STX1A: variants seen among roughly 807,000 people sequenced by gnomAD.
The protein encoded by STX1A is syntaxin 1A, also known as syntaxin-1A.
In STX1A, 4 loss-of-function variants were observed where a neutral mutation model predicts 37.8. The ratio of observed to expected loss-of-function variants is 0.11; its 90% confidence interval spans 0.05 to 0.24. STX1A has a LOEUF of 0.24. STX1A is among the 10% of genes least tolerant of loss of function. The pLI is 1.00. For missense variants in STX1A, 251 were observed against 399.9 expected, an observed-to-expected ratio of 0.63 and a Z score of 3.18; for synonymous variants, 135 against 147.4, an observed-to-expected ratio of 0.92 and a Z score of 0.61.
chr7:73,703,595 C>A, intron 7 of STX1A, 160 bp downstream of exon 7: 1 of 876,214 alleles, frequency 1.1e-6, no homozygotes, highest in East Asian at 2.5e-5. Flanking sequence ...ATTTATGTGA[C>A]CTCAGCCTGG....
Position 73,708,467 on chromosome 7 carries a change from G to C in STX1A, c.208+122C>G, listed in dbSNP as rs746159330. On this transcript the variant is annotated intron_variant, in intron 3 of 9. Transcript: ENST00000222812. ...CGTGAAACCCTCCCGACCCTGGCCC[G>C]CCCAGACACTCCTAAGCCCACCAGC... 7.0e-4 allele frequency: 626 copies of C among 891,194 alleles called. 1 individual carries two copies. Among genetic ancestry groups the C allele is most frequent in the Non-Finnish European group, 1.0e-3 (598 of 579,956 alleles). 55.2% of individuals were successfully genotyped at this position (891,194 alleles called of 1,614,324 possible).
chr7:73,703,040 GCC>G, intron 7 of STX1A, 58 bp from the exon 8 acceptor site: 2 of 1,252,824 alleles, frequency 1.6e-6, no homozygotes, highest in Non-Finnish European at 2.2e-6. Flanking sequence ...AGGGCAGAGG[GCC>G]GAGGGGGAGG....
At position 73,705,599 on chromosome 7, in the gene STX1A, C is replaced by A; in HGVS notation, c.209-375G>T. The A allele has an allele frequency of 3.8e-6, 1 of 264,244 alleles. No homozygotes were observed. Among genetic ancestry groups the A allele is most frequent in the South Asian group, 4.2e-5 (1 of 23,972 alleles). 16.4% of individuals were successfully genotyped at this position (264,244 alleles called of 1,614,324 possible). On this transcript the variant is annotated intron_variant, in intron 3 of 9. Transcript: ENST00000222812. This position sits in a 1 kb window ranked among gnomAD's most constrained non-coding sequence, Gnocchi z 5.2. ...TGCTGGAGTTGAAGGGGTGGGGGGG[C>A]GGTGTGGGCTCACCTGGTGTTACCT...
intron 1 of STX1A, among the ~76,000 whole-genome samples, chr7:73,714,110 C>CTT (rs1319851232): frequency 1.9e-4 from 27 of 142,704 alleles, no homozygotes; most frequent in African/African-American, 3.9e-4. Context: ...TGTCCTGGCA[C>CTT]TTTTTTTTTT....
At chr7:73,703,884 GCAT>G in intron 6 of STX1A, 56 bp from the exon 7 acceptor site, 3 of 1,571,906 alleles carry the variant, frequency 1.9e-6, no homozygotes, top group Non-Finnish European at 2.6e-6. Context: ...TTCAGCAGCA[GCAT>G]TGGGCCCCGC....
intron 1 of STX1A, among the ~76,000 whole-genome samples, chr7:73,710,219 A>T (rs1383760337): frequency 1.3e-5 from 2 of 152,250 alleles, no homozygotes; most frequent in Admixed American, 1.3e-4. Flanking sequence ...ATCGTGGGGC[A>T]GGGGTAATCA....
chr7:73,712,501 C>G (rs1554618113), intron 1 of STX1A, among the ~76,000 whole-genome samples: 1 of 152,062 alleles, frequency 6.6e-6, no homozygotes, highest in Non-Finnish European at 1.5e-5. Flanking sequence ...GCACCTTGTT[C>G]TTCCACACGC....
rs972145850 is a variant in STX1A, at chr7:73,706,275, C to T, written c.209-1051G>A. On this transcript the variant is annotated intron_variant, in intron 3 of 9. Coordinates refer to ENST00000222812, the MANE Select transcript of STX1A (RefSeq NM_004603.4). This position sits in a 1 kb window ranked among gnomAD's most constrained non-coding sequence, Gnocchi z 4.6. Reference sequence around the variant, plus strand: ...GAGCGGGGAAGGGGGGGTTCCGAGGCGCGGAGGAGGGCGCCTCATCCGTAG... The same window carrying T: ...GAGCGGGGAAGGGGGGGTTCCGAGGTGCGGAGGAGGGCGCCTCATCCGTAG... 3.3e-5 allele frequency among the ~76,000 whole-genome samples: 5 copies of T among 152,218 alleles called. No individual in the cohort carries two copies. Among genetic ancestry groups the T allele is most frequent in the East Asian group, 1.9e-4 (1 of 5,166 alleles).
intron 1 of STX1A, among the ~76,000 whole-genome samples, chr7:73,714,763 C>G (rs1254399607): frequency 1.4e-5 from 1 of 70,312 alleles, no homozygotes; most frequent in East Asian, 4.1e-4. Context: ...CACCAGAATC[C>G]TTTGGGGGGG....
rs375176524 is a variant in STX1A, at chr7:73,705,276, A to T, written c.209-52T>A. 5 of 1,486,480 alleles carry T rather than the reference A, an allele frequency of 3.4e-6. No individual in the cohort carries two copies. The highest frequency in any genetic ancestry group is 4.7e-6 in the Non-Finnish European group (5 of 1,065,760). 92.1% of individuals were successfully genotyped at this position (1,486,480 alleles called of 1,614,324 possible). On this transcript the variant is annotated intron_variant, in intron 3 of 9. Coordinates refer to ENST00000222812, the MANE Select transcript of STX1A (RefSeq NM_004603.4). The surrounding 1 kb of genome is among the most constrained non-coding windows in gnomAD (Gnocchi z 5.2). The stretch of plus-strand genomic sequence containing the variant: ...GGCCTCCTAGGCTCCGCGGGGACTG[A>T]TGTGCAGGCTCAGCCTCCAGCCCAG...
At chr7:73,714,041 C>A (rs1799197084) in intron 1 of STX1A, among the ~76,000 whole-genome samples, 2 of 152,204 alleles carry the variant, frequency 1.3e-5, no homozygotes, top group African/African-American at 4.8e-5. Flanking sequence ...AACCCCAAGC[C>A]AGAAACCTAG....
intron 1 of STX1A, among the ~76,000 whole-genome samples, chr7:73,715,593 C>A (rs1799264755): frequency 6.6e-6 from 1 of 152,058 alleles, no homozygotes; most frequent in Non-Finnish European, 1.5e-5. Context: ...CCCTGGTGGT[C>A]TCTCCTAGCA....
At chr7:73,712,473 C>T (rs1799138518) in intron 1 of STX1A, among the ~76,000 whole-genome samples, 1 of 152,006 alleles carries the variant, frequency 6.6e-6, no homozygotes, top group Non-Finnish European at 1.5e-5. Context: ...CCTCCCTGCC[C>T]CCCCAAATCA....
At chr7:73,704,902 G>C in intron 4 of STX1A, 1 of 586,736 alleles carries the variant, frequency 1.7e-6, no homozygotes, top group South Asian at 2.0e-5. Flanking sequence ...GAGGTGAGGG[G>C]CAGTGCCCAT....
At chr7:73,704,649 T>C in intron 4 of STX1A, 1 of 596,846 alleles carries the variant, frequency 1.7e-6, no homozygotes, top group South Asian at 2.0e-5. Context: ...CACTCCAAGC[T>C]CTGCGTGTGT....
chr7:73,710,884 T>A (rs931921702), intron 1 of STX1A, among the ~76,000 whole-genome samples: 1 of 152,176 alleles, frequency 6.6e-6, no homozygotes, highest in Non-Finnish European at 1.5e-5. Flanking sequence ...CCCCTCTGGC[T>A]CTATTTACTC....
intron 1 of STX1A, among the ~76,000 whole-genome samples, chr7:73,719,126 G>A (rs1247232716): frequency 6.6e-6 from 1 of 151,832 alleles, no homozygotes; most frequent in Non-Finnish European, 1.5e-5. Context: ...CCCGCGCAGG[G>A]GACCGGCACC....
In STX1A at chr7:73,708,673, C is replaced by G; in HGVS notation, c.124G>C (p.Gly42Arg). ...TTCTCTGCGATCTTGTCAATGAAGC[C>G]TCGAATCTCCTCCACCTGCGGACCA... is the stretch of plus-strand genomic sequence containing the variant. Reference protein sequence around the residue: ...EFFEQVEEIRGFIDKIAENVE... With the variant: ...EFFEQVEEIRRFIDKIAENVE... The change falls in exon 3 of 10, where the codon GGC becomes CGC. Residue 42 changes from glycine (G) to arginine (R), a missense_variant. This residue lies in a region of STX1A where 214 missense variants were observed against 367.6 expected (regional missense o/e 0.58). Transcript: ENST00000222812. 6.2e-7 allele frequency: 1 copy of G among 1,614,046 alleles called. No individual in the cohort carries two copies.
In STX1A at chr7:73,704,149, G is replaced by A. The variant is rs1554616412; in HGVS notation, c.465C>T (p.Ile155=). The change falls in exon 6 of 10, where the codon ATC becomes ATT. Residue 155 remains isoleucine (I), a splice_region_variant and synonymous_variant. Transcript: ENST00000222812. ...CKGRIQRQLE[I]TGRTTTSEEL... Reference sequence around the variant, plus strand: ...CCCCAGGCCCCACCCCCAGCTCACTGATCTCCAGCTGCCTCTGGATGCGGC... The same window carrying A: ...CCCCAGGCCCCACCCCCAGCTCACTAATCTCCAGCTGCCTCTGGATGCGGC... 2 of 1,595,306 alleles carry A rather than the reference G, an allele frequency of 1.3e-6. No homozygotes were observed. Among genetic ancestry groups the A allele is most frequent in the South Asian group, 1.1e-5 (1 of 90,788 alleles).
Sources: allele counts gnomAD v4.1 joint callset (sites outside exome capture counted in the v4.1 genomes callset), GRCh38; gene constraint gnomAD v4.1.1; regional missense constraint gnomAD v4.1.1; non-coding constraint Gnocchi (gnomAD v3.1); transcripts MANE v1.5; gene names NCBI Gene and HGNC (gene_info 2026-07-23, HGNC 2026-07-21).